ACOXL: variants seen among roughly 807,000 people sequenced by gnomAD.
The protein encoded by ACOXL is acyl-coenzyme A oxidase-like protein.
ACOXL carries 70 observed loss-of-function variants against 71.9 expected under a neutral mutation model. The observed-to-expected ratio is 0.97, with a 90% CI of 0.80 to 1.19. ACOXL has a LOEUF of 1.19. ACOXL is among the 50% of genes most tolerant of loss of function. ACOXL has a pLI of 0.00. For missense variants in ACOXL, 703 were observed against 736.3 expected (o/e 0.95, Z 0.52); for synonymous variants, 253 against 281.6 (o/e 0.90, Z 1.02).
In ACOXL at chr2:110,861,019, A is replaced by G. The variant is rs1693891627; in HGVS notation, c.788+19614A>G. 3.3e-5 allele frequency among the ~76,000 whole-genome samples: 5 copies of G among 152,350 alleles called. No homozygotes were observed. In the South Asian group the frequency reaches 1.0e-3, roughly 32 times the overall value. Reference sequence around the variant, plus strand: ...GTAATCCCAGCTACTCGAGAGGCTGAGGCATGAGAAGAGCTGAGGCACGAG... The same window carrying G: ...GTAATCCCAGCTACTCGAGAGGCTGGGGCATGAGAAGAGCTGAGGCACGAG... On this transcript the variant is annotated intron_variant, in intron 10 of 17. Coordinates refer to ENST00000439055, the MANE Select transcript of ACOXL (RefSeq NM_001142807.4).
Position 110,756,481 on chromosome 2 carries a change from T to C in ACOXL, c.-22-11887T>C, listed in dbSNP as rs151251178. ...TCATTTCTTCAGTTCCTTTGGGCGA[T>C]GTGTGTATTATCTGTGCATTAGTGG... On this transcript the variant is annotated intron_variant, in intron 1 of 17. Transcript: ENST00000439055. Among the ~76,000 whole-genome samples, 279 of 152,354 alleles carry C rather than the reference T, an allele frequency of 1.8e-3. 1 individual carries two copies. Among genetic ancestry groups the C allele is most frequent in the Middle Eastern group, 3.4e-3 (1 of 294 alleles).
At chr2:110,906,895 A>C (rs1227789103) in intron 10 of ACOXL, among the ~76,000 whole-genome samples, 1 of 152,228 alleles carries the variant, frequency 6.6e-6, no homozygotes, top group Non-Finnish European at 1.5e-5. Context: ...GGTGGATTGC[A>C]TGTGGCCATT....
intron 16 of ACOXL, among the ~76,000 whole-genome samples, chr2:111,069,931 G>A (rs1462249396): frequency 6.6e-6 from 1 of 151,968 alleles, no homozygotes; most frequent in Non-Finnish European, 1.5e-5. Flanking sequence ...CCACAAGGGG[G>A]ACAGTGAGTT....
At chr2:110,765,774 CTTAATCAT>C (rs770319667) in intron 1 of ACOXL, among the ~76,000 whole-genome samples, 4 of 152,174 alleles carry the variant, frequency 2.6e-5, no homozygotes, top group Non-Finnish European at 5.9e-5. Flanking sequence ...CTGCTCATGA[CTTAATCAT>C]CTCCCAGAGC....
chr2:111,002,683 C>T (rs761758128), intron 14 of ACOXL, among the ~76,000 whole-genome samples: 7 of 152,186 alleles, frequency 4.6e-5, no homozygotes, highest in Middle Eastern at 3.4e-3. Context: ...AAGTTTTTAC[C>T]GTTAGGGTTT....
At chr2:110,749,184 T>C (rs181899358) in intron 1 of ACOXL, among the ~76,000 whole-genome samples, 1 of 152,362 alleles carries the variant, frequency 6.6e-6, no homozygotes, top group African/African-American at 2.4e-5. Flanking sequence ...GATTTAGATT[T>C]TGAGAAAACC....
chr2:111,090,680 C>A (rs1574731608), intron 16 of ACOXL, among the ~76,000 whole-genome samples: 1 of 152,184 alleles, frequency 6.6e-6, no homozygotes, highest in East Asian at 1.9e-4. Context: ...TTGGGAACAG[C>A]CTGGGAATGC....
chr2:110,969,974 TTAATAA>T (rs2062109705), intron 12 of ACOXL, among the ~76,000 whole-genome samples: 1 of 152,100 alleles, frequency 6.6e-6, no homozygotes, highest in Admixed American at 6.5e-5. Flanking sequence ...AACTGAACCC[TTAATAA>T]TAATATAAAA....
At chr2:110,915,428 A>ATATATATTTTTTT (rs1315085098) in intron 11 of ACOXL, among the ~76,000 whole-genome samples, 1 of 108,014 alleles carries the variant, frequency 9.3e-6, no homozygotes, top group African/African-American at 3.6e-5. Flanking sequence ...ATATATATAT[A>ATATATATTTTTTT]TTTTTTTTTT....
intron 16 of ACOXL, among the ~76,000 whole-genome samples, chr2:111,073,759 G>A (rs931326147): frequency 1.3e-5 from 2 of 151,930 alleles, no homozygotes; most frequent in Non-Finnish European, 2.9e-5. Context: ...TCTTTTACAT[G>A]CAAATTTTAG....
chr2:110,753,146 T>A (rs1679220627), intron 1 of ACOXL, among the ~76,000 whole-genome samples: 1 of 152,076 alleles, frequency 6.6e-6, no homozygotes, highest in Non-Finnish European at 1.5e-5. Flanking sequence ...CTCTGGCACC[T>A]CCTCCTCTCT....
At chr2:110,849,339 C>T (rs775837365) in intron 10 of ACOXL, among the ~76,000 whole-genome samples, 46 of 152,222 alleles carry the variant, frequency 3.0e-4, no homozygotes, top group Non-Finnish European at 6.2e-4. Flanking sequence ...ATGACCCCTC[C>T]CTTACTTTCA....
At chr2:111,074,649 C>T (rs2067510611) in intron 16 of ACOXL, among the ~76,000 whole-genome samples, 1 of 151,878 alleles carries the variant, frequency 6.6e-6, no homozygotes, top group African/African-American at 2.4e-5. Flanking sequence ...TGCTGGAGTG[C>T]AGTGGTGCCA....
chr2:110,862,764 C>T (rs965201555), intron 10 of ACOXL, among the ~76,000 whole-genome samples: 2 of 152,218 alleles, frequency 1.3e-5, no homozygotes, highest in African/African-American at 4.8e-5. Flanking sequence ...TCCTCCTGGC[C>T]GAGTGAAACC....
At chr2:111,106,945 G>T (rs1435862980) in intron 17 of ACOXL, among the ~76,000 whole-genome samples, 1 of 152,190 alleles carries the variant, frequency 6.6e-6, no homozygotes, top group Non-Finnish European at 1.5e-5. Flanking sequence ...TGATGACTAA[G>T]TCTTGACTCC....
At chr2:110,750,342 C>T (rs1678760986) in intron 1 of ACOXL, among the ~76,000 whole-genome samples, 1 of 152,100 alleles carries the variant, frequency 6.6e-6, no homozygotes, top group South Asian at 2.1e-4. Context: ...AATCTAACAG[C>T]ACATTTTTGT....
At chr2:110,844,424 G>A (rs148956836) in intron 10 of ACOXL, among the ~76,000 whole-genome samples, 292 of 152,246 alleles carry the variant, frequency 1.9e-3, no homozygotes, top group South Asian at 8.9e-3. Context: ...GACACTTCAC[G>A]AGGTGTCTCT....
chr2:111,000,858 G>A (rs1305601917), intron 14 of ACOXL, among the ~76,000 whole-genome samples: 1 of 152,168 alleles, frequency 6.6e-6, no homozygotes, highest in Non-Finnish European at 1.5e-5. Context: ...TTCCAAATAA[G>A]GTCACATTCA....
rs115045458 is a variant in ACOXL at position 110,892,834 on chromosome 2, A to G, written c.789-15955A>G. Among the ~76,000 whole-genome samples the G allele has an allele frequency of 2.0e-3, 304 of 152,326 alleles. 2 individuals are homozygous for G. Among genetic ancestry groups the G allele is most frequent in the African/African-American group, 7.1e-3 (297 of 41,578 alleles). ...CAAGTCAGTTGGAAGGAGGAAGATC[A>G]AGGGAATTGTCTGGGAAGAGGGAAT... On this transcript the variant is annotated intron_variant, in intron 10 of 17. Coordinates refer to ENST00000439055, the MANE Select transcript of ACOXL (RefSeq NM_001142807.4).
Sources: allele counts gnomAD v4.1 joint callset (sites outside exome capture counted in the v4.1 genomes callset), GRCh38; gene constraint gnomAD v4.1.1; transcripts MANE v1.5; gene names NCBI Gene and HGNC (gene_info 2026-07-23, HGNC 2026-07-21).